Variants in STK39 observed in about 807,000 individuals in gnomAD.
The protein encoded by STK39 is STE20/SPS1-related proline-alanine-rich protein kinase.
In STK39, 20 loss-of-function variants were observed where a neutral mutation model predicts 77.8. The ratio of observed to expected loss-of-function variants is 0.26; its 90% CI spans 0.18 to 0.37. The LOEUF is 0.37. Ranked by LOEUF, STK39 falls within the 10% of genes least tolerant of loss-of-function variation. STK39 has a pLI of 1.00. For synonymous variants in STK39, 246 were observed against 234.1 expected (o/e 1.05, Z -0.47); for missense variants, 479 against 656.5 (o/e 0.73, Z 2.95).
chr2:168,180,500 G>A (rs1232468078), intron 2 of STK39, among the ~76,000 whole-genome samples: 3 of 151,968 alleles, frequency 2.0e-5, no homozygotes, highest in African/African-American at 7.3e-5. Flanking sequence ...ATTCCTAAAG[G>A]GATCTTAGAA....
At chr2:168,025,447 T>C (rs1219172633) in intron 14 of STK39, among the ~76,000 whole-genome samples, 1 of 152,100 alleles carries the variant, frequency 6.6e-6, no homozygotes, top group African/African-American at 2.4e-5. Context: ...GTATCATCCG[T>C]TTCTCTCAAA....
At chr2:167,959,617 T>C (rs983249645) in intron 17 of STK39, among the ~76,000 whole-genome samples, 17 of 152,232 alleles carry the variant, frequency 1.1e-4, no homozygotes, top group African/African-American at 4.1e-4. Flanking sequence ...TCCTGAAGAC[T>C]GTCAATGTAC....
intron 1 of STK39, among the ~76,000 whole-genome samples, chr2:168,227,215 TGC>T (rs1690331210): frequency 6.6e-6 from 1 of 152,206 alleles, no homozygotes. Flanking sequence ...GAAAAACATC[TGC>T]AAGGATACAC....
At chr2:168,152,545 G>T (rs1427051607) in intron 5 of STK39, among the ~76,000 whole-genome samples, 1 of 152,152 alleles carries the variant, frequency 6.6e-6, no homozygotes, top group Non-Finnish European at 1.5e-5. Flanking sequence ...GTGGGGTAGG[G>T]GTGAAACCTA....
intron 10 of STK39, among the ~76,000 whole-genome samples, chr2:168,129,286 T>G (rs550607653): frequency 6.6e-6 from 1 of 152,350 alleles, no homozygotes; most frequent in Admixed American, 6.5e-5. Context: ...ATCCCCTCCT[T>G]TCTGACCTTC....
chr2:168,216,918 A>G (rs897325267), intron 1 of STK39, among the ~76,000 whole-genome samples: 1 of 152,168 alleles, frequency 6.6e-6, no homozygotes, highest in African/African-American at 2.4e-5. Flanking sequence ...CCCGCTAGGA[A>G]CAAGGCTTTT....
Position 168,020,123 on chromosome 2 carries a change from G to A in STK39, c.1377-3028C>T, listed in dbSNP as rs189789231. On this transcript the variant is annotated intron_variant, in intron 14 of 17. Coordinates refer to ENST00000355999, the MANE Select transcript of STK39 (RefSeq NM_013233.3). ...CTTTTATGTTCTTAAAAAGTAGTGA[G>A]GACCCCTAAAGAGATTTTGTTTATG... Among the ~76,000 whole-genome samples the A allele has an allele frequency of 3.3e-5, 5 of 152,158 alleles. No homozygotes were observed. The East Asian group carries it at 9.7e-4, about 29-fold the overall frequency.
intron 14 of STK39, among the ~76,000 whole-genome samples, chr2:168,038,837 A>G (rs1397682870): frequency 1.3e-5 from 2 of 152,204 alleles, no homozygotes; most frequent in Non-Finnish European, 1.5e-5. Flanking sequence ...AGTTAAAACT[A>G]TAATAAGATA....
At chr2:168,185,256 G>A (rs114821693) in intron 1 of STK39, among the ~76,000 whole-genome samples, 1,796 of 152,236 alleles carry the variant, frequency 0.012, 26 homozygotes, top group African/African-American at 0.041. Context: ...CCTATTTCAA[G>A]TGCAATAAAT....
chr2:168,181,897 C>T, intron 2 of STK39, 81 bp downstream of exon 2: 1 of 1,217,058 alleles, frequency 8.2e-7, no homozygotes, highest in Non-Finnish European at 1.2e-6. Flanking sequence ...GGAGATAACA[C>T]CTTGCTCTTC....
At chr2:168,207,834 G>A (rs1407347700) in intron 1 of STK39, among the ~76,000 whole-genome samples, 1 of 152,146 alleles carries the variant, frequency 6.6e-6, no homozygotes, top group Non-Finnish European at 1.5e-5. Context: ...TTTTTCCAAC[G>A]TCAAAGAGCT....
chr2:168,102,001 C>T (rs886383915), intron 10 of STK39, among the ~76,000 whole-genome samples: 1 of 152,142 alleles, frequency 6.6e-6, no homozygotes, highest in Non-Finnish European at 1.5e-5. Flanking sequence ...ATGGATTTGC[C>T]TGTTTTGGGT....
intron 14 of STK39, among the ~76,000 whole-genome samples, chr2:168,048,416 G>A (rs184519529): frequency 0.02 from 3,009 of 152,170 alleles, 102 homozygotes; most frequent in African/African-American, 0.068. Flanking sequence ...GTTTCACCAC[G>A]TTAGCCAGGA....
chr2:168,189,713 T>A (rs1011248127), intron 1 of STK39, among the ~76,000 whole-genome samples: 28 of 152,192 alleles, frequency 1.8e-4, no homozygotes, highest in African/African-American at 4.6e-4. Context: ...TAGATTTTTT[T>A]AAAAATCACT....
At chr2:168,005,190 G>A (rs1443841325) in intron 16 of STK39, among the ~76,000 whole-genome samples, 1 of 151,818 alleles carries the variant, frequency 6.6e-6, no homozygotes. Flanking sequence ...ATTTTCAGTA[G>A]AGACAAAGTT....
chr2:168,121,264 T>C (rs1264187157), intron 10 of STK39, among the ~76,000 whole-genome samples: 1 of 152,244 alleles, frequency 6.6e-6, no homozygotes. Flanking sequence ...CATTTCCATC[T>C]GTAAAGTGTG....
chr2:167,983,059 C>T (rs943806020), intron 16 of STK39, among the ~76,000 whole-genome samples: 1 of 152,086 alleles, frequency 6.6e-6, no homozygotes, highest in Non-Finnish European at 1.5e-5. Context: ...ATGGAATGGA[C>T]GAATGAAAAT....
intron 1 of STK39, among the ~76,000 whole-genome samples, chr2:168,195,433 T>C (rs892233715): frequency 2.0e-5 from 3 of 152,038 alleles, no homozygotes; most frequent in Non-Finnish European, 2.9e-5. Flanking sequence ...TTACCTACCA[T>C]TGATTTGCCT....
At chr2:167,994,453 T>C (rs189648117) in intron 16 of STK39, among the ~76,000 whole-genome samples, 1 of 152,338 alleles carries the variant, frequency 6.6e-6, no homozygotes, top group Admixed American at 6.5e-5. Flanking sequence ...GAAACTCATA[T>C]AGCATAAAAT....
Sources: gnomAD v4.1 joint callset for allele counts (sites outside exome capture counted in the v4.1 genomes callset) on GRCh38, gnomAD v4.1.1 for gene constraint, MANE v1.5 for transcripts, NCBI Gene and HGNC (gene_info 2026-07-23, HGNC 2026-07-21) for gene names.